The following RIMS2 variants were observed in gnomAD, a reference collection of about 807,000 sequenced individuals.
RIMS2 encodes regulating synaptic membrane exocytosis 2.
A neutral mutation model predicts 174.4 loss-of-function variants in RIMS2; 59 were observed. The ratio of observed to expected loss-of-function variants is 0.34; its 90% CI spans 0.27 to 0.42. RIMS2 has a LOEUF of 0.42. Ranked by LOEUF, RIMS2 falls within the 10% of genes least tolerant of loss-of-function variation. The probability of loss-of-function intolerance (pLI) is 1.00; values close to 1 mark genes in which losing one functional copy is unlikely to be tolerated. For synonymous variants in RIMS2, 606 were observed against 572.5 expected (o/e 1.06, Z -0.84); for missense variants, 1,620 against 1,666.3 (o/e 0.97, Z 0.48).
intron 19 of RIMS2, among the ~76,000 whole-genome samples, chr8:104,018,589 A>C (rs1056624671): frequency 3.3e-5 from 5 of 152,184 alleles, no homozygotes; most frequent in Admixed American, 6.5e-5. Context: ...CTTTACATTC[A>C]GTTCATTTGT....
At chr8:104,029,802 A>G (rs2096348318) in intron 19 of RIMS2, among the ~76,000 whole-genome samples, 1 of 152,190 alleles carries the variant, frequency 6.6e-6, no homozygotes, top group Non-Finnish European at 1.5e-5. Flanking sequence ...TAAAAATGAT[A>G]ACCATGTAGC....
At chr8:104,037,230 ATTTTT>A (rs1565966099) in intron 19 of RIMS2, among the ~76,000 whole-genome samples, 1 of 152,114 alleles carries the variant, frequency 6.6e-6, no homozygotes, top group Non-Finnish European at 1.5e-5. Context: ...ACTTAGGCTT[ATTTTT>A]TGAAAGGTAT....
intron 19 of RIMS2, among the ~76,000 whole-genome samples, chr8:104,098,470 ATAG>A (rs2097800112): frequency 6.6e-6 from 1 of 152,174 alleles, no homozygotes; most frequent in African/African-American, 2.4e-5. Context: ...ACTGAAAAGC[ATAG>A]TATTGTCAAA....
rs181365178 is a variant in RIMS2 at position 103,825,771 on chromosome 8, C to T, written c.698+59234C>T. Reference sequence around the variant, plus strand: ...TAAAAGAGAAATTTGTGGATCATAGCGTGGGTGTATGTTTAATTTTATAAT... The same window carrying T: ...TAAAAGAGAAATTTGTGGATCATAGTGTGGGTGTATGTTTAATTTTATAAT... On this transcript the variant is annotated intron_variant, in intron 3 of 23. Coordinates refer to ENST00000504942, the Ensembl canonical transcript of RIMS2. Among the ~76,000 whole-genome samples the T allele has an allele frequency of 2.8e-3, 419 of 151,962 alleles. 1 individual carries two copies. Among genetic ancestry groups the T allele is most frequent in the Non-Finnish European group, 4.8e-3 (328 of 67,966 alleles).
At chr8:104,004,300 G>C (rs972911556) in intron 17 of RIMS2, among the ~76,000 whole-genome samples, 1 of 152,184 alleles carries the variant, frequency 6.6e-6, no homozygotes, top group African/African-American at 2.4e-5. Flanking sequence ...TTCCCTGCCT[G>C]AGGAACATTA....
chr8:104,203,494 C>CTTTT (rs10545100), intron 19 of RIMS2, among the ~76,000 whole-genome samples: 143 of 72,756 alleles, frequency 2.0e-3, no homozygotes, highest in East Asian at 4.3e-3. Context: ...AGACACTGTA[C>CTTTT]TTTTTTTTTT....
At chr8:103,605,230 A>C (rs2133923597) in intron 1 of RIMS2, among the ~76,000 whole-genome samples, 1 of 130,484 alleles carries the variant, frequency 7.7e-6, no homozygotes, top group South Asian at 2.4e-4. Context: ...ATTTTGTCAA[A>C]GGCTTTTTCT....
intron 3 of RIMS2, among the ~76,000 whole-genome samples, chr8:103,876,419 T>A (rs1453326582): frequency 6.6e-6 from 1 of 151,790 alleles, no homozygotes; most frequent in Non-Finnish European, 1.5e-5. Context: ...AAAAACACCT[T>A]ATGAAGAAGT....
At chr8:103,601,626 C>G (rs1231561149) in intron 1 of RIMS2, among the ~76,000 whole-genome samples, 1 of 151,736 alleles carries the variant, frequency 6.6e-6, no homozygotes, top group Non-Finnish European at 1.5e-5. Context: ...TTCAGCCACT[C>G]TGTGTCTTTT....
intron 1 of RIMS2, among the ~76,000 whole-genome samples, chr8:103,676,944 A>T (rs1393683207): frequency 6.6e-6 from 1 of 152,212 alleles, no homozygotes. Flanking sequence ...AGATTGTGCC[A>T]GTCCACTCCA....
At chr8:103,727,034 G>A (rs987581416) in intron 2 of RIMS2, among the ~76,000 whole-genome samples, 1 of 151,492 alleles carries the variant, frequency 6.6e-6, no homozygotes, top group Non-Finnish European at 1.5e-5. Context: ...ACCGCACCCA[G>A]CCAATTTTAT....
At chr8:104,045,637 GT>G (rs1262665974) in intron 19 of RIMS2, among the ~76,000 whole-genome samples, 1 of 151,658 alleles carries the variant, frequency 6.6e-6, no homozygotes, top group Non-Finnish European at 1.5e-5. Flanking sequence ...CATAAAAAAT[GT>G]TTTGTCAGCT....
At chr8:103,700,521 T>G (rs892273318) in intron 2 of RIMS2, among the ~76,000 whole-genome samples, 3 of 151,990 alleles carry the variant, frequency 2.0e-5, no homozygotes, top group Admixed American at 2.0e-4. Context: ...AAAATTTATT[T>G]GTTTGAAGTA....
chr8:103,768,949 C>T (rs574678103), intron 3 of RIMS2: 4 of 396,350 alleles, frequency 1.0e-5, no homozygotes, highest in East Asian at 1.2e-4. Context: ...TAAACAGAAG[C>T]GTCAGGAACA....
chr8:104,074,322 T>A (rs940788529), intron 19 of RIMS2, among the ~76,000 whole-genome samples: 1 of 152,316 alleles, frequency 6.6e-6, no homozygotes, highest in South Asian at 2.1e-4. Context: ...TCACAGCTTT[T>A]TTAATCTATT....
intron 19 of RIMS2, among the ~76,000 whole-genome samples, chr8:104,036,614 C>G (rs985989866): frequency 2.1e-4 from 32 of 152,018 alleles, no homozygotes; most frequent in Admixed American, 2.1e-3. Context: ...CACAAGAGCT[C>G]ATACCTGTAA....
intron 3 of RIMS2, chr8:103,880,604 A>G (rs1048595097): frequency 1.5e-5 from 7 of 467,032 alleles, no homozygotes; most frequent in African/African-American, 1.4e-4. Context: ...AGAAGGATTA[A>G]ATGAAAGCAC....
intron 19 of RIMS2, among the ~76,000 whole-genome samples, chr8:104,092,962 A>G (rs2097689007): frequency 6.6e-6 from 1 of 151,912 alleles, no homozygotes; most frequent in Non-Finnish European, 1.5e-5. Flanking sequence ...GACTTTTTCT[A>G]GTATTTCTAG....
At chr8:103,679,332 A>G (rs1280111770) in intron 1 of RIMS2, among the ~76,000 whole-genome samples, 1 of 152,008 alleles carries the variant, frequency 6.6e-6, no homozygotes, top group Non-Finnish European at 1.5e-5. Context: ...AGGGACCTCA[A>G]ACAAATCTAG....
Sources: allele counts gnomAD v4.1 joint callset (sites outside exome capture counted in the v4.1 genomes callset), GRCh38; gene constraint gnomAD v4.1.1; transcripts MANE v1.5; gene names NCBI Gene and HGNC (gene_info 2026-07-23, HGNC 2026-07-21).